The following GAB2 variants were observed in gnomAD, a reference collection of about 807,000 sequenced individuals.
GAB2 encodes the protein GRB2 associated binding protein 2.
GAB2 carries 26 observed loss-of-function variants against 65.5 expected under a neutral mutation model. The ratio of observed to expected loss-of-function variants is 0.40; its 90% CI spans 0.29 to 0.55. GAB2 has a LOEUF of 0.55. Ranked by LOEUF, GAB2 falls within the 20% of genes least tolerant of loss-of-function variation. GAB2 has a pLI of 0.53. For synonymous variants in GAB2, 321 were observed against 329.6 expected, an observed-to-expected ratio of 0.97 and a Z score of 0.28; for missense variants, 884 against 875.8, an observed-to-expected ratio of 1.01 and a Z score of -0.12.
At chr11:78,294,670 G>T (rs532524089) in intron 1 of GAB2, among the ~76,000 whole-genome samples, 1 of 152,118 alleles carries the variant, frequency 6.6e-6, no homozygotes, top group South Asian at 2.1e-4. Context: ...TGGTGCTGGG[G>T]AAACTGGCTA....
chr11:78,243,845 G>GAAAAAGA (rs1271674157), intron 3 of GAB2, among the ~76,000 whole-genome samples: 7 of 151,402 alleles, frequency 4.6e-5, no homozygotes, highest in Admixed American at 4.6e-4. Flanking sequence ...CTCTGTCTCA[G>GAAAAAGA]AAAAAGAAAA....
At chr11:78,363,647 C>T (rs1453924394) in intron 1 of GAB2, among the ~76,000 whole-genome samples, 3 of 149,830 alleles carry the variant, frequency 2.0e-5, no homozygotes, top group Non-Finnish European at 4.4e-5. Flanking sequence ...TGCAGTGGGA[C>T]ACCCACAGCT....
At chr11:78,249,077 A>G (rs1865375708) in intron 3 of GAB2, among the ~76,000 whole-genome samples, 1 of 152,228 alleles carries the variant, frequency 6.6e-6, no homozygotes, top group Non-Finnish European at 1.5e-5. Context: ...TCTGTGTGAC[A>G]GCAGATGACT....
chr11:78,314,650 A>G (rs1424529230), intron 1 of GAB2, among the ~76,000 whole-genome samples: 1 of 152,240 alleles, frequency 6.6e-6, no homozygotes, highest in Non-Finnish European at 1.5e-5. Flanking sequence ...ATATAGAAGT[A>G]CCTTGCTTTC....
At chr11:78,238,199 GAAGA>G (rs1400289166) in intron 3 of GAB2, among the ~76,000 whole-genome samples, 20 of 111,602 alleles carry the variant, frequency 1.8e-4, no homozygotes, top group Non-Finnish European at 2.3e-4. Flanking sequence ...AAAGTTGAGG[GAAGA>G]AACAAAAAAA....
intron 1 of GAB2, among the ~76,000 whole-genome samples, chr11:78,403,487 A>T (rs758462049): frequency 6.6e-6 from 1 of 152,230 alleles, no homozygotes; most frequent in Non-Finnish European, 1.5e-5. Flanking sequence ...TACACTGGAA[A>T]AAGTGCAGTT....
intron 2 of GAB2, among the ~76,000 whole-genome samples, chr11:78,271,750 T>C (rs977956534): frequency 1.3e-5 from 2 of 152,204 alleles, no homozygotes; most frequent in African/African-American, 2.4e-5. Context: ...CCCAGCACTT[T>C]GGGAGGCCAA....
At chr11:78,403,841 GA>G (rs1857005520) in intron 1 of GAB2, among the ~76,000 whole-genome samples, 2 of 152,212 alleles carry the variant, frequency 1.3e-5, no homozygotes, top group South Asian at 4.1e-4. Context: ...CTACTCATCT[GA>G]CAAGGGATTA....
chr11:78,230,368 C>A (rs1590948809), intron 3 of GAB2, among the ~76,000 whole-genome samples: 1 of 152,228 alleles, frequency 6.6e-6, no homozygotes, highest in South Asian at 2.1e-4. Flanking sequence ...TTGCATTACT[C>A]ACCTCCCTGT....
chr11:78,292,955 ATCT>A (rs1480220562), intron 1 of GAB2, among the ~76,000 whole-genome samples: 1 of 152,208 alleles, frequency 6.6e-6, no homozygotes, highest in African/African-American at 2.4e-5. Flanking sequence ...ACAGCCCAAG[ATCT>A]TCTTATTCTG....
At position 78,276,809 on chromosome 11, in the gene GAB2, A is replaced by T. The variant is rs533667403; in HGVS notation, c.376+3792T>A. Among the ~76,000 whole-genome samples, 224 of 146,030 alleles carry T rather than the reference A, an allele frequency of 1.5e-3. 4 individuals are homozygous for T. In the East Asian group the frequency reaches 0.045, roughly 29 times the overall value. ...TCTTTTAAATATGTGATTTTTATTT[A>T]TTTTATTTATTTATTTATTTATTTT... On this transcript the variant is annotated intron_variant, in intron 2 of 9. Coordinates refer to ENST00000361507, the MANE Select transcript of GAB2 (RefSeq NM_080491.3).
intron 3 of GAB2, among the ~76,000 whole-genome samples, chr11:78,231,340 T>G (rs1054111654): frequency 6.1e-5 from 9 of 148,048 alleles, no homozygotes; most frequent in African/African-American, 2.3e-4. Flanking sequence ...GTGTGTGGTG[T>G]GTGTGTGTGT....
chr11:78,318,100 T>C (rs1261518146), intron 1 of GAB2: 1 of 151,980 alleles, frequency 6.6e-6, no homozygotes, highest in South Asian at 2.1e-4. Flanking sequence ...ATCTTGTATA[T>C]AGTTGCTACT....
chr11:78,353,266 C>G (rs2134707360), intron 1 of GAB2, among the ~76,000 whole-genome samples: 1 of 152,256 alleles, frequency 6.6e-6, no homozygotes, highest in Non-Finnish European at 1.5e-5. Context: ...CATGGTGAAA[C>G]CTCGTCTGTA....
intron 1 of GAB2, among the ~76,000 whole-genome samples, chr11:78,329,275 TA>T (rs1239956381): frequency 6.6e-6 from 1 of 152,196 alleles, no homozygotes; most frequent in Non-Finnish European, 1.5e-5. Context: ...GTAGAGAGTT[TA>T]TAAGGCCAGT....
intron 1 of GAB2, among the ~76,000 whole-genome samples, chr11:78,303,507 A>G (rs769225304): frequency 1.6e-4 from 24 of 152,170 alleles, no homozygotes; most frequent in Non-Finnish European, 3.1e-4. Flanking sequence ...TAGACTTCCT[A>G]TGTTTAAATA....
intron 1 of GAB2, among the ~76,000 whole-genome samples, chr11:78,326,236 GAA>G (rs1243634297): frequency 1.3e-5 from 2 of 152,112 alleles, no homozygotes; most frequent in African/African-American, 2.4e-5. Flanking sequence ...TTGTGTGATA[GAA>G]AAAGTGTCAT....
intron 1 of GAB2, among the ~76,000 whole-genome samples, chr11:78,365,438 C>T (rs59724118): frequency 0.074 from 11,263 of 152,222 alleles, 1,286 homozygotes; most frequent in African/African-American, 0.25. Context: ...GAGGGCAGTG[C>T]TAATGCAGCG....
chr11:78,241,080 G>A lies in GAB2; in HGVS notation c.620+9077C>T, dbSNP rs549574206. ...CTGAGTCTCCTCATTTGGGGAAAAT[G>A]AGAAGAGAAAGACCCAAAAAGCCCT... On this transcript the variant is annotated intron_variant, in intron 3 of 9. Coordinates refer to ENST00000361507, the MANE Select transcript of GAB2 (RefSeq NM_080491.3). Among the ~76,000 whole-genome samples the A allele has an allele frequency of 3.3e-5, 5 of 152,342 alleles. No individual in the cohort carries two copies. The South Asian group carries it at 1.0e-3, about 32-fold the overall frequency.
Sources: gnomAD v4.1 joint callset for allele counts (sites outside exome capture counted in the v4.1 genomes callset) on GRCh38, gnomAD v4.1.1 for gene constraint, MANE v1.5 for transcripts, NCBI Gene and HGNC (gene_info 2026-07-23, HGNC 2026-07-21) for gene names.